SEC23A: variants seen among roughly 807,000 people sequenced by gnomAD.
SEC23A encodes SEC23 homolog A, COPII component.
A neutral mutation model predicts 103.7 loss-of-function variants in SEC23A; 56 were observed. The observed-to-expected ratio is 0.54, with a 90% CI of 0.44 to 0.67. SEC23A has a LOEUF of 0.67. SEC23A is among the 30% of genes least tolerant of loss of function. The pLI is 0.00. For synonymous variants in SEC23A, 281 were observed against 293.0 expected (o/e 0.96, Z 0.42); for missense variants, 784 against 936.4 (o/e 0.84, Z 2.12).
In SEC23A at chr14:39,032,138, G is replaced by C. The variant is rs1385012695; in HGVS notation, c.*1101C>G. 6.6e-6 allele frequency: 1 copy of C among 152,498 alleles called. No homozygotes were observed. Among genetic ancestry groups the C allele is most frequent in the Non-Finnish European group, 1.5e-5 (1 of 67,998 alleles). 9.4% of individuals were successfully genotyped at this position (152,498 alleles called of 1,614,324 possible). A position where few individuals can be genotyped will look rare whatever the true frequency, so the allele number is the denominator to read the frequency against. On this transcript the variant is annotated 3_prime_UTR_variant, in exon 20 of 20. Coordinates refer to ENST00000307712, the MANE Select transcript of SEC23A (RefSeq NM_006364.4). ...GCACCACCTTTTATTTGCAGTACTT[G>C]ATATGTAAATTTCATTGTCAAAACA... is the stretch of plus-strand genomic sequence containing the variant.
chr14:39,039,136 G>T, intron 18 of SEC23A, 40 bp from the exon 19 acceptor site: 1 of 1,542,820 alleles, frequency 6.5e-7, no homozygotes, highest in Non-Finnish European at 9.0e-7. Context: ...CATCAAAAAT[G>T]GTTTCAGTCA....
At chr14:39,089,278 T>C (rs1887577319) in intron 5 of SEC23A, among the ~76,000 whole-genome samples, 1 of 152,098 alleles carries the variant, frequency 6.6e-6, no homozygotes, top group Admixed American at 6.5e-5. Flanking sequence ...AATAAATTCA[T>C]AATTTAATAA....
intron 10 of SEC23A, 95 bp from the exon 11 acceptor site, chr14:39,065,088 T>TTA: frequency 2.4e-6 from 2 of 824,100 alleles, no homozygotes; most frequent in Non-Finnish European, 4.2e-6. Context: ...TCATCTATAT[T>TTA]TAAAACTCAA....
Position 39,096,006 on chromosome 14 carries a change from A to G in SEC23A, c.113T>C (p.Val38Ala). The change falls in exon 2 of 20, where the codon GTG (valine) becomes GCG (alanine). Residue 38 changes from valine to alanine, a missense_variant. Val to Ala is a moderately conservative substitution (Grantham distance 64). Transcript: ENST00000307712. The stretch of plus-strand genomic sequence containing the variant: ...TTTCAGTGGTGTAAACAGGGCTGCC[A>G]CAGGAACAACCATTCTTGTAGCTTC... The part of the protein sequence containing the change: ...RLEATRMVVP[V>A]AALFTPLKER... 6 of 1,614,164 alleles carry G rather than the reference A, an allele frequency of 3.7e-6. No homozygotes were observed. Among genetic ancestry groups the G allele is most frequent in the Non-Finnish European group, 4.2e-6 (5 of 1,180,010 alleles).
At chr14:39,063,500 G>GAA (rs530578446) in intron 11 of SEC23A, 87 bp from the exon 12 acceptor site, 12 of 732,688 alleles carry the variant, frequency 1.6e-5, no homozygotes, top group Admixed American at 5.7e-5. Context: ...AAGACCACAG[G>GAA]AAAAAAAAAA....
In SEC23A at chr14:39,064,963, T is replaced by A. The variant is rs372931902; in HGVS notation, c.1258A>T (p.Ile420Phe). 6.2e-7 allele frequency: 1 copy of A among 1,613,154 alleles called. No homozygotes were observed. Among genetic ancestry groups the A allele is most frequent in the Non-Finnish European group, 8.5e-7 (1 of 1,179,236 alleles). The change falls in exon 11 of 20, where the codon ATT becomes TTT. Residue 420 changes from isoleucine to phenylalanine, a missense_variant. Transcript: ENST00000307712. Reference protein sequence around the residue: ...TSREIKISGAIGPCVSLNSKG... With the variant: ...TSREIKISGAFGPCVSLNSKG... ...GAATTGAGTGACACACAGGGTCCAA[T>A]AGCTCCTGAAATCTTTATTTCCCTT...
chr14:39,058,279 T>C (rs1158484590), intron 13 of SEC23A, among the ~76,000 whole-genome samples: 1 of 151,222 alleles, frequency 6.6e-6, no homozygotes, highest in Admixed American at 6.6e-5. Flanking sequence ...TTCTCCCTTC[T>C]TTCTGTATTT....
chr14:39,045,923 A>T (rs558588213), intron 15 of SEC23A, among the ~76,000 whole-genome samples: 35 of 143,464 alleles, frequency 2.4e-4, no homozygotes, highest in Non-Finnish European at 4.0e-4. Context: ...ACCCACCCAC[A>T]TCTCACCTTG....
In SEC23A at chr14:39,074,484, A is replaced by C. The variant is rs1217685233; in HGVS notation, c.1034T>G (p.Ile345Ser). 6.8e-6 allele frequency: 11 copies of C among 1,613,734 alleles called. No individual in the cohort carries two copies. Among genetic ancestry groups the C allele is most frequent in the Non-Finnish European group, 9.3e-6 (11 of 1,179,858 alleles). Residue 345 changes from isoleucine to serine, a missense_variant, in exon 9 of 20, where the codon ATT becomes AGT. Physicochemically the swap from Ile to Ser is moderately radical, Grantham distance 142. Around this residue, in one of 2 missense-constraint regions of SEC23A, gnomAD observed 683 missense variants for 774.2 expected, o/e 0.88. Coordinates refer to ENST00000307712, the MANE Select transcript of SEC23A (RefSeq NM_006364.4). Reference protein sequence around the residue: ...ANRAATTGHVIDIYACALDQT... With the variant: ...ANRAATTGHVSDIYACALDQT... ...ATCTAATGCACACGCATAGATATCA[A>C]TAACATGGCCAGTTGTAGCAGCTCG... is the stretch of plus-strand genomic sequence containing the variant.
At chr14:39,064,130 C>T (rs1886575728) in intron 11 of SEC23A, among the ~76,000 whole-genome samples, 1 of 151,876 alleles carries the variant, frequency 6.6e-6, no homozygotes, top group South Asian at 2.1e-4. Flanking sequence ...TTTACGAACA[C>T]ATGTTCTCTG....
intron 2 of SEC23A, among the ~76,000 whole-genome samples, chr14:39,095,586 C>A (rs1887857188): frequency 2.0e-5 from 3 of 152,056 alleles, no homozygotes; most frequent in Admixed American, 6.6e-5. Context: ...CATGAGCCAC[C>A]ACGCCCGGCC....
At chr14:39,089,498 C>T (rs1161654108) in intron 5 of SEC23A, among the ~76,000 whole-genome samples, 2 of 152,138 alleles carry the variant, frequency 1.3e-5, no homozygotes, top group African/African-American at 4.8e-5. Flanking sequence ...GGAATCCCTA[C>T]TATGTCTTCC....
chr14:39,080,202 T>A (rs919566224), intron 7 of SEC23A, among the ~76,000 whole-genome samples: 1 of 151,638 alleles, frequency 6.6e-6, no homozygotes, highest in Admixed American at 6.6e-5. Context: ...TCCAAAAAGA[T>A]CAAGGGCAGT....
intron 7 of SEC23A, 40 bp downstream of exon 7, chr14:39,085,721 CA>C: frequency 6.7e-7 from 1 of 1,487,290 alleles, no homozygotes; most frequent in Non-Finnish European, 9.3e-7. Context: ...CACACACACA[CA>C]CACACACTTT....
At chr14:39,067,015 T>G (rs1009496643) in intron 10 of SEC23A, among the ~76,000 whole-genome samples, 158 bp downstream of exon 10, 1 of 152,214 alleles carries the variant, frequency 6.6e-6, no homozygotes, top group African/African-American at 2.4e-5. Flanking sequence ...ATGATGACAC[T>G]CTTCTGGTGA....
intron 3 of SEC23A, 156 bp downstream of exon 3, chr14:39,093,030 AT>A (rs1185905385): frequency 7.0e-3 from 3,498 of 501,264 alleles, no homozygotes; most frequent in East Asian, 8.2e-3. Context: ...CGCCCAGCTA[AT>A]TTTTTTTTTG....
intron 14 of SEC23A, among the ~76,000 whole-genome samples, chr14:39,052,513 A>G (rs1290432388): frequency 6.6e-6 from 1 of 152,198 alleles, no homozygotes; most frequent in African/African-American, 2.4e-5. Flanking sequence ...TAGGTTTTAC[A>G]TGGGACAGTA....
At position 39,067,241 on chromosome 14, in the gene SEC23A, G is replaced by C; in HGVS notation, c.1159C>G (p.Gln387Glu). ...TGCATGTCTTTGGTAAAGACTCTTTGAAAAGTTTGTTTGAATAAGGAAGTA... is the reference window on the plus strand; with the variant it reads ...TGCATGTCTTTGGTAAAGACTCTTTCAAAAGTTTGTTTGAATAAGGAAGTA... Reference protein sequence around the residue: ...FNTSLFKQTFQRVFTKDMHGQ... With the variant: ...FNTSLFKQTFERVFTKDMHGQ... The change falls in exon 10 of 20, where the codon CAA becomes GAA. Residue 387 changes from glutamine to glutamate, a missense_variant. Physicochemically the swap from Gln to Glu is conservative, Grantham distance 29 (BLOSUM62 2). Around this residue, in one of 2 missense-constraint regions of SEC23A, gnomAD observed 683 missense variants for 774.2 expected, o/e 0.88. Transcript: ENST00000307712. The C allele has an allele frequency of 6.2e-7, 1 of 1,613,596 alleles. No individual in the cohort carries two copies. The highest frequency in any genetic ancestry group is 8.5e-7 in the Non-Finnish European group (1 of 1,179,750).
At chr14:39,094,532 G>C (rs991194506) in intron 2 of SEC23A, among the ~76,000 whole-genome samples, 3 of 147,528 alleles carry the variant, frequency 2.0e-5, no homozygotes, top group African/African-American at 7.5e-5. Context: ...CAAAGCACTG[G>C]GATTACAGGC....
Sources: allele counts gnomAD v4.1 joint callset (sites outside exome capture counted in the v4.1 genomes callset), GRCh38; gene constraint gnomAD v4.1.1; regional missense constraint gnomAD v4.1.1; transcripts MANE v1.5; gene names NCBI Gene and HGNC (gene_info 2026-07-23, HGNC 2026-07-21).